The following MTF1 variants were observed in gnomAD, a reference collection of about 807,000 sequenced individuals.
MTF1 encodes metal regulatory transcription factor 1, also known as MRE-binding transcription factor.
In MTF1, 22 loss-of-function variants were observed where a neutral mutation model predicts 70.4. That is an observed-to-expected ratio of 0.31 (90% confidence interval 0.22 to 0.45). The LOEUF is 0.45. Among genes scored for constraint, MTF1 ranks in the 20% least tolerant of loss-of-function variants. The probability of loss-of-function intolerance (pLI) is 1.00; values close to 1 mark genes in which losing one functional copy is unlikely to be tolerated. For missense variants in MTF1, 649 were observed against 922.0 expected (o/e 0.70, Z 3.83); for synonymous variants, 333 against 352.8 (o/e 0.94, Z 0.63).
intron 2 of MTF1, among the ~76,000 whole-genome samples, chr1:37,846,481 C>T (rs533566935): frequency 2.3e-4 from 35 of 151,654 alleles, no homozygotes; most frequent in Non-Finnish European, 4.1e-4. Flanking sequence ...AAACAGCTGT[C>T]GATTACCCTG....
At chr1:37,834,956 A>T (rs1424164251) in intron 6 of MTF1, 123 bp downstream of exon 6, 5 of 1,027,600 alleles carry the variant, frequency 4.9e-6, no homozygotes, top group Non-Finnish European at 5.9e-6. Context: ...ACTGATCTTG[A>T]CCCTGACTTC....
rs898061626 is a variant in MTF1 at position 37,818,470 on chromosome 1, C to T, written c.1768-988G>A. On this transcript the variant is annotated intron_variant, in intron 9 of 10. Coordinates refer to ENST00000373036, the MANE Select transcript of MTF1 (RefSeq NM_005955.3). ...CTGTAATCCCAGCACTTTGGGAAGC[C>T]GAGGCGGGTGAATCACAAGGTCAGG... Among the ~76,000 whole-genome samples the T allele has an allele frequency of 5.3e-5, 8 of 151,914 alleles. No homozygotes were observed. In the South Asian group the frequency reaches 1.5e-3, roughly 28 times the overall value.
intron 7 of MTF1, chr1:37,828,315 TTGTTC>T (rs948666459): frequency 7.2e-5 from 28 of 390,562 alleles, no homozygotes; most frequent in Non-Finnish European, 1.3e-4. Flanking sequence ...TTGTTTTCTT[TTGTTC>T]TGAGACAGAG....
Position 37,840,478 on chromosome 1 carries a change from G to T in MTF1, c.409-320C>A, listed in dbSNP as rs1248423384. 1 of 485,040 alleles carries T rather than the reference G, an allele frequency of 2.1e-6. No individual in the cohort carries two copies. The highest frequency in any genetic ancestry group is 4.1e-6 in the Non-Finnish European group (1 of 246,472). 30.0% of individuals were successfully genotyped at this position (485,040 alleles called of 1,614,324 possible). A position where few individuals can be genotyped will look rare whatever the true frequency, so the allele number is the denominator to read the frequency against. ...ATACTGTTACAGCTACCTGTATTCA[G>T]ATAAGATCTTAACTTTGTTTTAAGG... On this transcript the variant is annotated intron_variant, in intron 2 of 10. Coordinates refer to ENST00000373036, the MANE Select transcript of MTF1 (RefSeq NM_005955.3). The surrounding 1 kb of genome is among the most constrained non-coding windows in gnomAD (Gnocchi z 4.5).
At chr1:37,823,279 T>C (rs1021383949) in intron 8 of MTF1, among the ~76,000 whole-genome samples, 5 of 148,962 alleles carry the variant, frequency 3.4e-5, no homozygotes, top group Non-Finnish European at 5.9e-5. Context: ...CTACCAAAAA[T>C]ACAAAAAAAA....
Position 37,821,172 on chromosome 1 carries a change from T to TATAATA in MTF1, c.1767+943_1767+948dup, listed in dbSNP as rs71573763. Reference sequence around the variant, plus strand: ...GCCTGGGTGACAGAGCCTCAAAATATATAATAATAATAATAATAATAGGAG... The same window carrying TATAATA: ...GCCTGGGTGACAGAGCCTCAAAATATATAATAATAATAATAATAATAATAATAGGAG... On this transcript the variant is annotated intron_variant, in intron 9 of 10. Coordinates refer to ENST00000373036, the MANE Select transcript of MTF1 (RefSeq NM_005955.3). Among the ~76,000 whole-genome samples, 914 of 149,736 alleles carry TATAATA rather than the reference T, an allele frequency of 6.1e-3. 3 individuals carry two copies. The highest frequency in any genetic ancestry group is 8.2e-3 in the Non-Finnish European group (553 of 67,446).
rs769484794 is a variant in MTF1 at position 37,832,261 on chromosome 1, C to T, written c.1052G>A (p.Arg351Gln). 1 of 1,612,286 alleles carries T rather than the reference C, an allele frequency of 6.2e-7. No homozygotes were observed. The highest frequency in any genetic ancestry group is 8.5e-7 in the Non-Finnish European group (1 of 1,178,600). The change falls in exon 7 of 11, where the codon CGA (arginine) becomes CAA (glutamine). Residue 351 changes from arginine (R) to glutamine (Q), a missense_variant. By Grantham distance (43) the Arg-to-Gln change is conservative. Around this residue, in one of 7 missense-constraint regions of MTF1, gnomAD observed 267 missense variants for 292.1 expected, o/e 0.91. Coordinates refer to ENST00000373036, the MANE Select transcript of MTF1 (RefSeq NM_005955.3). The part of the protein sequence containing the change: ...LSLLSTDSEL[R>Q]ENSSTTQGQD... ...TACACTTACCGTACTGGAATTTTCTCGCAATTCAGAATCTGTGGACAGAAG... is the reference window on the plus strand; with the variant it reads ...TACACTTACCGTACTGGAATTTTCTTGCAATTCAGAATCTGTGGACAGAAG...
At chr1:37,816,135 T>G (rs1259341062) in intron 10 of MTF1, among the ~76,000 whole-genome samples, 2 of 152,236 alleles carry the variant, frequency 1.3e-5, no homozygotes, top group Admixed American at 6.5e-5. Context: ...CAGGAGACTC[T>G]GAGCTCCTTT....
intron 7 of MTF1, among the ~76,000 whole-genome samples, chr1:37,824,468 C>T (rs1280574377): frequency 6.6e-6 from 1 of 152,102 alleles, no homozygotes; most frequent in African/African-American, 2.4e-5. Context: ...GAGGCTGGGG[C>T]GGGCAGATCA....
chr1:37,835,957 C>T (rs534967850), intron 4 of MTF1, among the ~76,000 whole-genome samples: 41 of 152,096 alleles, frequency 2.7e-4, no homozygotes, highest in African/African-American at 8.0e-4. Context: ...CCCACCACCA[C>T]GCCCAGCTAA....
rs473279 is a variant in MTF1, at chr1:37,810,130, T to C, written c.*5006A>G. 103,970 of 152,194 alleles carry C rather than the reference T, an allele frequency of 0.68. 35,466 individuals are homozygous for C. Among genetic ancestry groups the C allele is most frequent in the East Asian group, 0.73 (3,765 of 5,168 alleles). The allele number at this position is 152,194 out of a possible 1,614,324, so 9.4% of individuals were successfully genotyped here. Reference sequence around the variant, plus strand: ...GAAGGATGTAGACTGTTGAGTCAAATAGCCCTTGGGAGGCCTGAGAACACA... The same window carrying C: ...GAAGGATGTAGACTGTTGAGTCAAACAGCCCTTGGGAGGCCTGAGAACACA... On this transcript the variant is annotated 3_prime_UTR_variant, in exon 11 of 11. Coordinates refer to ENST00000373036, the MANE Select transcript of MTF1 (RefSeq NM_005955.3).
At chr1:37,837,455 T>G (rs1210258931) in intron 4 of MTF1, among the ~76,000 whole-genome samples, 1 of 152,008 alleles carries the variant, frequency 6.6e-6, no homozygotes, top group Non-Finnish European at 1.5e-5. Flanking sequence ...GTAGCATATC[T>G]AATGCCTTGA....
chr1:37,840,230 C>T lies in MTF1; in HGVS notation c.409-72G>A. On this transcript the variant is annotated intron_variant, in intron 2 of 10. Coordinates refer to ENST00000373036, the MANE Select transcript of MTF1 (RefSeq NM_005955.3). This position sits in a 1 kb window ranked among gnomAD's most constrained non-coding sequence, Gnocchi z 4.5. The stretch of plus-strand genomic sequence containing the variant: ...GGGCTTAACTCCCCCACCCAGAGCT[C>T]AGCTCCCAAGAGATGCTGTGGACAA... The T allele has an allele frequency of 7.3e-7, 1 of 1,371,940 alleles. No homozygotes were observed. Among genetic ancestry groups the T allele is most frequent in the Middle Eastern group, 2.2e-4 (1 of 4,504 alleles). 85.0% of individuals were successfully genotyped at this position (1,371,940 alleles called of 1,614,324 possible).
In MTF1 at chr1:37,857,500, C is replaced by T. The variant is rs765368794; in HGVS notation, c.159G>A (p.Gln53=). ...CTTCATCCTCCAAAGTGCCAGGGTC[C>T]TGCTCAATAAGAACAGTGGTCCTAT... ...VYDRTTVLIE[Q]DPGTLEDEDD... The change falls in exon 2 of 11, where the codon CAG becomes CAA. Residue 53 remains glutamine (Q), a synonymous_variant. Transcript: ENST00000373036. The T allele has an allele frequency of 1.9e-6, 3 of 1,614,072 alleles. No individual in the cohort carries two copies. The Admixed American group carries it at 5.0e-5, about 27-fold the overall frequency.
At chr1:37,852,783 A>G (rs2148422510) in intron 2 of MTF1, among the ~76,000 whole-genome samples, 1 of 152,232 alleles carries the variant, frequency 6.6e-6, no homozygotes, top group Admixed American at 6.5e-5. Context: ...GGCATGCACC[A>G]CCACAACCGG....
intron 9 of MTF1, among the ~76,000 whole-genome samples, 162 bp downstream of exon 9, chr1:37,821,959 A>G (rs766233392): frequency 2.6e-5 from 4 of 152,274 alleles, no homozygotes; most frequent in Middle Eastern, 3.4e-3. Context: ...AGCATTTCCT[A>G]CGTTTATACC....
intron 2 of MTF1, 136 bp downstream of exon 2, chr1:37,857,115 C>T (rs1641509814): frequency 2.6e-6 from 2 of 761,488 alleles, no homozygotes; most frequent in Non-Finnish European, 4.2e-6. Flanking sequence ...AAACCTGAGG[C>T]ATATGTTGTT....
At chr1:37,833,858 T>A (rs1433407551) in intron 6 of MTF1, among the ~76,000 whole-genome samples, 1 of 151,722 alleles carries the variant, frequency 6.6e-6, no homozygotes. Context: ...ACAGCAAGTA[T>A]AAAGGCCTAG....
chr1:37,833,202 T>A (rs1641115036), intron 6 of MTF1, among the ~76,000 whole-genome samples: 1 of 152,156 alleles, frequency 6.6e-6, no homozygotes, highest in Admixed American at 6.5e-5. Context: ...CCATTTTTTA[T>A]TCTTTTTGTA....
Sources: allele counts gnomAD v4.1 joint callset (sites outside exome capture counted in the v4.1 genomes callset), GRCh38; gene constraint gnomAD v4.1.1; regional missense constraint gnomAD v4.1.1; non-coding constraint Gnocchi (gnomAD v3.1); transcripts MANE v1.5; gene names NCBI Gene and HGNC (gene_info 2026-07-23, HGNC 2026-07-21).